Variants in ABCA13 observed in about 807,000 individuals in gnomAD.
ABCA13 encodes the protein ATP binding cassette subfamily A member 13.
Under a neutral mutation model 478.7 loss-of-function variants are expected in ABCA13, and 476 were observed. The observed-to-expected ratio is 0.99, with a 90% confidence interval of 0.92 to 1.07. The LOEUF (loss-of-function observed/expected upper bound fraction) is 1.07. Among genes scored for constraint, ABCA13 ranks in the 50% least tolerant of loss-of-function variants. ABCA13 has a pLI of 0.00. For missense variants in ABCA13, 6,060 were observed against 5,910.6 expected (o/e 1.03, Z -0.83); for synonymous variants, 2,252 against 2,158.9 (o/e 1.04, Z -1.20).
chr7:48,196,059 G>A (rs1239555005), intron 2 of ABCA13, among the ~76,000 whole-genome samples: 1 of 152,150 alleles, frequency 6.6e-6, no homozygotes, highest in African/African-American at 2.4e-5. Flanking sequence ...AGAGGATAAC[G>A]TGGTATCAGG....
chr7:48,249,393 CCCT>C, intron 15 of ABCA13, 42 bp downstream of exon 15: 2 of 1,605,832 alleles, frequency 1.2e-6, no homozygotes, highest in Non-Finnish European at 1.7e-6. Context: ...GGATGCTTTC[CCCT>C]TTTAGTGAGG....
At position 48,227,253 on chromosome 7, in the gene ABCA13, T is replaced by C. The variant is rs780592705; in HGVS notation, c.469-9T>C. ...AGGGAAACTTTTGGTGTATTTTTTT[T>C]CCCATCAGATGGATCTCAATAAGAC... On this transcript the variant is annotated splice_polypyrimidine_tract_variant and intron_variant, in intron 5 of 61. Transcript: ENST00000435803. 2.5e-6 allele frequency: 4 copies of C among 1,611,946 alleles called. No homozygotes were observed. The highest frequency in any genetic ancestry group is 2.2e-5 in the South Asian group (2 of 90,404).
intron 42 of ABCA13, among the ~76,000 whole-genome samples, chr7:48,452,015 C>T (rs1218110534): frequency 2.0e-5 from 3 of 152,166 alleles, no homozygotes; most frequent in Admixed American, 6.5e-5. Flanking sequence ...TGAGTTAAGC[C>T]ATGAATATTT....
At position 48,221,322 on chromosome 7, in the gene ABCA13, A is replaced by T; in HGVS notation, c.468+13A>T. ...CAGTTTTTTTACAGTAAGTATCTTA[A>T]CAATAGTTTGAAAATTAGTCTTCAG... On this transcript the variant is annotated intron_variant, in intron 5 of 61. Transcript: ENST00000435803. The T allele has an allele frequency of 8.9e-7, 1 of 1,124,352 alleles. No homozygotes were observed. The highest frequency in any genetic ancestry group is 1.3e-6 in the Non-Finnish European group (1 of 789,650). The allele number at this position is 1,124,352 out of a possible 1,614,324, so 69.6% of individuals were successfully genotyped here. A position where few individuals can be genotyped will look rare whatever the true frequency, so the allele number is the denominator to read the frequency against.
At chr7:48,313,541 C>A (rs369672630) in intron 25 of ABCA13, among the ~76,000 whole-genome samples, 2 of 152,138 alleles carry the variant, frequency 1.3e-5, no homozygotes, top group Admixed American at 1.3e-4. Flanking sequence ...ATTTCAAGGG[C>A]CTGTTTAACT....
Position 48,646,284 on chromosome 7 carries a change from T to A in ABCA13, c.*772T>A, listed in dbSNP as rs1174120022. 2.0e-5 allele frequency: 3 copies of A among 152,084 alleles called. No individual in the cohort carries two copies. Among genetic ancestry groups the A allele is most frequent in the Non-Finnish European group, 4.4e-5 (3 of 68,048 alleles). The allele number at this position is 152,084 out of a possible 1,614,324, so 9.4% of individuals were successfully genotyped here. On this transcript the variant is annotated 3_prime_UTR_variant, in exon 62 of 62. Transcript: ENST00000435803. Reference sequence around the variant, plus strand: ...CATTTGGATGAATAATTACTGTTTTTTGTTATTCTAAGTCAGTGTTTTTCA... The same window carrying A: ...CATTTGGATGAATAATTACTGTTTTATGTTATTCTAAGTCAGTGTTTTTCA...
At chr7:48,554,552 G>A (rs1785603154) in intron 55 of ABCA13, among the ~76,000 whole-genome samples, 3 of 151,272 alleles carry the variant, frequency 2.0e-5, no homozygotes, top group Admixed American at 2.0e-4. Context: ...CTTTGGTTGG[G>A]TTAATTTCTA....
At chr7:48,583,522 A>G (rs563441383) in intron 56 of ABCA13, among the ~76,000 whole-genome samples, 22 of 152,342 alleles carry the variant, frequency 1.4e-4, no homozygotes, top group African/African-American at 4.3e-4. Context: ...TGGAAGTCCT[A>G]CTATGTGCCA....
chr7:48,408,311 CTA>C lies in ABCA13; in HGVS notation c.12071-2208_12071-2207del, dbSNP rs1354381396. Among the ~76,000 whole-genome samples the C allele has an allele frequency of 6.3e-4, 96 of 152,112 alleles. 1 individual carries two copies. Among genetic ancestry groups the C allele is most frequent in the African/African-American group, 2.2e-3 (93 of 41,530 alleles). On this transcript the variant is annotated intron_variant, in intron 39 of 61. Coordinates refer to ENST00000435803, the MANE Select transcript of ABCA13 (RefSeq NM_152701.5). ...TGCTTCTCTTTTGGGAATTTAGATT[CTA>C]GTTGACTTTTATTTTTAGACTTCAT...
chr7:48,296,893 C>G (rs1799451911), intron 21 of ABCA13, among the ~76,000 whole-genome samples: 1 of 152,234 alleles, frequency 6.6e-6, no homozygotes, highest in African/African-American at 2.4e-5. Flanking sequence ...TGATGTTCAT[C>G]TGACCCTGGC....
intron 32 of ABCA13, among the ~76,000 whole-genome samples, chr7:48,371,735 AAG>A (rs1430930929): frequency 6.6e-6 from 1 of 152,102 alleles, no homozygotes; most frequent in African/African-American, 2.4e-5. Flanking sequence ...CATCTGCAAA[AAG>A]AGACAGTTTG....
intron 42 of ABCA13, among the ~76,000 whole-genome samples, chr7:48,439,176 A>G: frequency 6.6e-6 from 1 of 152,114 alleles, no homozygotes; most frequent in Non-Finnish European, 1.5e-5. Context: ...TCTGCTTAGG[A>G]TCTCATAAAG....
In ABCA13 at chr7:48,272,887, A is replaced by G. The variant is rs769963863; in HGVS notation, c.3221A>G (p.Asp1074Gly). ...GLKQLLIIDE[D>G]FRISLFQYMS... is the part of the protein sequence containing the mutation. ...AAACAGCTGCTCATAATTGATGAAG[A>G]TTTTCGTATTTCTTTATTTCAATAT... The change falls in exon 17 of 62, where the codon GAT becomes GGT. Residue 1074 changes from aspartate to glycine, a missense_variant. Physicochemically the swap from Asp to Gly is moderately conservative, Grantham distance 94 (BLOSUM62 -1). Coordinates refer to ENST00000435803, the MANE Select transcript of ABCA13 (RefSeq NM_152701.5). 6.2e-6 allele frequency: 10 copies of G among 1,609,142 alleles called. No homozygotes were observed. Among genetic ancestry groups the G allele is most frequent in the Non-Finnish European group, 8.5e-6 (10 of 1,177,100 alleles).
At chr7:48,486,913 T>C (rs1829359094) in intron 47 of ABCA13, among the ~76,000 whole-genome samples, 1 of 152,130 alleles carries the variant, frequency 6.6e-6, no homozygotes, top group African/African-American at 2.4e-5. Context: ...CCATAGCAAG[T>C]CACATGGCCA....
At chr7:48,543,479 C>T (rs1191450873) in intron 55 of ABCA13, among the ~76,000 whole-genome samples, 1 of 151,382 alleles carries the variant, frequency 6.6e-6, no homozygotes, top group African/African-American at 2.4e-5. Context: ...CAAAAATTGG[C>T]TGAGCATGGT....
intron 43 of ABCA13, among the ~76,000 whole-genome samples, chr7:48,464,059 G>T (rs1826598199): frequency 6.6e-6 from 1 of 152,122 alleles, no homozygotes; most frequent in South Asian, 2.1e-4. Context: ...TTTAAGAGAT[G>T]ATTATTAGAG....
Position 48,227,245 on chromosome 7 carries a change from A to ATT in ABCA13, c.469-10_469-9dup, listed in dbSNP as rs150972279. The ATT allele has an allele frequency of 5.6e-6, 9 of 1,609,252 alleles. No homozygotes were observed. The highest frequency in any genetic ancestry group is 4.0e-5 in the African/African-American group (3 of 74,584). Reference sequence around the variant, plus strand: ...AACTCCAGAGGGAAACTTTTGGTGTATTTTTTTTCCCATCAGATGGATCTC... The same window carrying ATT: ...AACTCCAGAGGGAAACTTTTGGTGTATTTTTTTTTTCCCATCAGATGGATCTC... On this transcript the variant is annotated splice_polypyrimidine_tract_variant and intron_variant, in intron 5 of 61. Transcript: ENST00000435803.
intron 15 of ABCA13, among the ~76,000 whole-genome samples, chr7:48,264,260 A>C (rs1004566082): frequency 6.6e-6 from 1 of 151,878 alleles, no homozygotes; most frequent in Non-Finnish European, 1.5e-5. Context: ...GTGAACATTC[A>C]CGGACAAGTC....
intron 19 of ABCA13, among the ~76,000 whole-genome samples, chr7:48,287,718 G>A (rs1254074071): frequency 1.3e-5 from 2 of 152,180 alleles, no homozygotes; most frequent in Non-Finnish European, 2.9e-5. Context: ...CCAGTTTGAG[G>A]AGGTAGAGAT....
Sources: allele counts gnomAD v4.1 joint callset (sites outside exome capture counted in the v4.1 genomes callset), GRCh38; gene constraint gnomAD v4.1.1; transcripts MANE v1.5; gene names NCBI Gene and HGNC (gene_info 2026-07-23, HGNC 2026-07-21).